Variants in NBN observed in about 807,000 individuals in gnomAD.
The protein encoded by NBN is Nijmegen breakage syndrome 1 (nibrin).
Under a neutral mutation model 90.8 loss-of-function variants are expected in NBN, and 88 were observed. The observed-to-expected ratio is 0.97, with a 90% CI of 0.82 to 1.16. The LOEUF (loss-of-function observed/expected upper bound fraction) is 1.16. Ranked by LOEUF, NBN falls within the 50% of genes most tolerant of loss-of-function variation. The probability of loss-of-function intolerance (pLI) is 0.00; values close to 1 mark genes in which losing one functional copy is unlikely to be tolerated. For missense variants in NBN, 894 were observed against 869.6 expected, an observed-to-expected ratio of 1.03 and a Z score of -0.35; for synonymous variants, 328 against 295.1, an observed-to-expected ratio of 1.11 and a Z score of -1.14.
At chr8:89,944,467 T>A (rs1322525024) in intron 13 of NBN, among the ~76,000 whole-genome samples, 1 of 152,206 alleles carries the variant, frequency 6.6e-6, no homozygotes, top group Non-Finnish European at 1.5e-5. Flanking sequence ...TCCGCCACAG[T>A]GTGCTCAGTC....
At chr8:89,954,914 A>G (rs1810624488) in intron 10 of NBN, among the ~76,000 whole-genome samples, 1 of 152,176 alleles carries the variant, frequency 6.6e-6, no homozygotes, top group Admixed American at 6.5e-5. Flanking sequence ...GGGATGATCA[A>G]TATATTCAAA....
intron 12 of NBN, 88 bp from the exon 13 acceptor site, chr8:89,946,383 T>G: frequency 8.8e-7 from 1 of 1,142,564 alleles, no homozygotes; most frequent in Non-Finnish European, 1.3e-6. Context: ...AGAAAAAAGT[T>G]CAAATACCTG....
At chr8:89,948,022 T>C in intron 11 of NBN, 130 bp from the exon 12 acceptor site, 1 of 548,580 alleles carries the variant, frequency 1.8e-6, no homozygotes, top group Non-Finnish European at 3.2e-6. Flanking sequence ...ATATTCATGT[T>C]ATGTATGACC....
At position 89,978,268 on chromosome 8, in the gene NBN, T is replaced by A. The variant is rs864622578; in HGVS notation, c.536A>T (p.Glu179Val). The A allele has an allele frequency of 1.2e-5, 20 of 1,603,096 alleles. No homozygotes were observed. Among genetic ancestry groups the A allele is most frequent in the Non-Finnish European group, 1.6e-5 (19 of 1,170,154 alleles). ...CTTGGACTCAACTGCTTTCAGGAAT[T>A]CAGTAAAATATTCTGGCTTTACAAT... is the stretch of plus-strand genomic sequence containing the variant. Reference protein sequence around the residue: ...RPIVKPEYFTEFLKAVESKKQ... With the variant: ...RPIVKPEYFTVFLKAVESKKQ... The change falls in exon 5 of 16, where the codon GAA becomes GTA. Residue 179 changes from glutamate to valine, a missense_variant. Coordinates refer to ENST00000265433, the MANE Select transcript of NBN (RefSeq NM_002485.5).
Position 89,971,396 on chromosome 8 carries a change from C to T in NBN, c.585-106G>A, listed in dbSNP as rs1811514409. 3.2e-6 allele frequency: 4 copies of T among 1,258,076 alleles called. No individual in the cohort carries two copies. In the Admixed American group the frequency reaches 1.1e-4, roughly 36 times the overall value. The allele number at this position is 1,258,076 out of a possible 1,614,324, so 77.9% of individuals were successfully genotyped here. ...CTCAAAAGGCATAATTTCCATAATA[C>T]CTTTATAGTATTTTTTTTAAGTAAG... On this transcript the variant is annotated intron_variant, in intron 5 of 15. Transcript: ENST00000265433.
chr8:89,952,110 AC>A (rs1456116021), intron 11 of NBN, among the ~76,000 whole-genome samples: 1 of 152,184 alleles, frequency 6.6e-6, no homozygotes, highest in East Asian at 1.9e-4. Context: ...AGAAAGACAG[AC>A]ACCTAGTAAA....
chr8:89,967,873 T>C (rs1563554701), intron 7 of NBN, among the ~76,000 whole-genome samples: 1 of 152,218 alleles, frequency 6.6e-6, no homozygotes, highest in African/African-American at 2.4e-5. Flanking sequence ...CTCTGCTTCA[T>C]ATAATTGCTC....
At chr8:89,942,956 ATTCT>A (rs776590865) in intron 14 of NBN, among the ~76,000 whole-genome samples, 11 of 151,654 alleles carry the variant, frequency 7.3e-5, no homozygotes, top group Non-Finnish European at 1.6e-4. Flanking sequence ...TATCCTCCAC[ATTCT>A]TTTAGTTTCC....
At chr8:89,940,086 T>C (rs2130746949) in intron 14 of NBN, among the ~76,000 whole-genome samples, 1 of 152,130 alleles carries the variant, frequency 6.6e-6, no homozygotes, top group South Asian at 2.1e-4. Context: ...TTTTATTTTA[T>C]TTATTATTAT....
At chr8:89,972,087 C>A (rs1751739532) in intron 5 of NBN, among the ~76,000 whole-genome samples, 1 of 152,112 alleles carries the variant, frequency 6.6e-6, no homozygotes, top group East Asian at 1.9e-4. Context: ...AAATTCACAA[C>A]CTGGACAATC....
chr8:89,944,045 G>A (rs1810073668), intron 13 of NBN, among the ~76,000 whole-genome samples: 1 of 152,134 alleles, frequency 6.6e-6, no homozygotes, highest in Non-Finnish European at 1.5e-5. Context: ...CCCCTAAGCA[G>A]TATTTTAAAA....
intron 8 of NBN, among the ~76,000 whole-genome samples, chr8:89,960,575 C>T (rs1471974176): frequency 1.3e-5 from 2 of 152,008 alleles, no homozygotes; most frequent in Non-Finnish European, 1.5e-5. Context: ...TTGCTTGGGC[C>T]GAGGAGTTCA....
chr8:89,936,406 G>A (rs1361021077), intron 15 of NBN, among the ~76,000 whole-genome samples: 1 of 152,088 alleles, frequency 6.6e-6, no homozygotes, highest in Non-Finnish European at 1.5e-5. Flanking sequence ...TATGAAATTA[G>A]AGAATCAATC....
intron 1 of NBN, chr8:89,984,209 C>T (rs993773809): frequency 4.1e-6 from 2 of 485,220 alleles, no homozygotes; most frequent in Non-Finnish European, 7.4e-6. Flanking sequence ...GCCGCTTACC[C>T]GCAGGCCATC....
chr8:89,970,167 T>A (rs1396686817), intron 7 of NBN, among the ~76,000 whole-genome samples, 197 bp downstream of exon 7: 2 of 151,752 alleles, frequency 1.3e-5, no homozygotes, highest in Non-Finnish European at 2.9e-5. Context: ...GAGAATTGCT[T>A]GAACCCAGAA....
At chr8:89,978,115 C>T (rs1230800283) in intron 5 of NBN, 105 bp downstream of exon 5, 4 of 1,017,834 alleles carry the variant, frequency 3.9e-6, no homozygotes, top group Admixed American at 3.9e-5. Context: ...TATAACACAG[C>T]AACTATTACA....
Position 89,947,907 on chromosome 8 carries a change from T to C in NBN, c.1846-15A>G. 1 of 1,467,168 alleles carries C rather than the reference T, an allele frequency of 6.8e-7. No individual in the cohort carries two copies. The allele number at this position is 1,467,168 out of a possible 1,614,324, so 90.9% of individuals were successfully genotyped here. A position where few individuals can be genotyped will look rare whatever the true frequency, so the allele number is the denominator to read the frequency against. ...TCATTTTCTTGCTAAAGAAATAAAA[T>C]AAAAAATACTGTTCATAGGAGTAAT... On this transcript the variant is annotated splice_polypyrimidine_tract_variant and intron_variant, in intron 11 of 15. Coordinates refer to ENST00000265433, the MANE Select transcript of NBN (RefSeq NM_002485.5).
intron 11 of NBN, among the ~76,000 whole-genome samples, chr8:89,948,761 C>T (rs1810314081): frequency 6.6e-6 from 1 of 152,190 alleles, no homozygotes; most frequent in Admixed American, 6.5e-5. Context: ...TCAAGCCTAT[C>T]AAGTGCCATT....
At chr8:89,951,577 A>G (rs183252574) in intron 11 of NBN, among the ~76,000 whole-genome samples, 7 of 152,320 alleles carry the variant, frequency 4.6e-5, no homozygotes, top group Non-Finnish European at 8.8e-5. Context: ...CTTTATAAAC[A>G]TATGTAAATG....
Sources: allele counts gnomAD v4.1 joint callset (sites outside exome capture counted in the v4.1 genomes callset), GRCh38; gene constraint gnomAD v4.1.1; transcripts MANE v1.5; gene names NCBI Gene and HGNC (gene_info 2026-07-23, HGNC 2026-07-21).